ENPP1: variants seen among roughly 807,000 people sequenced by gnomAD.
ENPP1 encodes the protein ectonucleotide pyrophosphatase/phosphodiesterase 1, also known as ectonucleotide pyrophosphatase/phosphodiesterase family member 1.
In ENPP1, 73 loss-of-function variants were observed where a neutral mutation model predicts 122.8. The observed-to-expected ratio is 0.59, with a 90% CI of 0.49 to 0.72. The LOEUF (loss-of-function observed/expected upper bound fraction) is 0.72, where lower values mean the gene tolerates loss of function less well. ENPP1 is among the 30% of genes least tolerant of loss of function. The pLI, the probability that ENPP1 is intolerant of heterozygous loss-of-function variation, is 0.00. For synonymous variants in ENPP1, 367 were observed against 391.6 expected, an observed-to-expected ratio of 0.94 and a Z score of 0.74; for missense variants, 978 against 1,128.1, an observed-to-expected ratio of 0.87 and a Z score of 1.91.
chr6:131,860,486 G>C lies in ENPP1; in HGVS notation c.895G>C (p.Glu299Gln), dbSNP rs1178240876. 2.5e-6 allele frequency: 4 copies of C among 1,597,480 alleles called. No homozygotes were observed. In the Admixed American group the frequency reaches 6.7e-5, roughly 27 times the overall value. The change falls in exon 8 of 25, where the codon GAG (glutamate) becomes CAG (glutamine). Residue 299 changes from glutamate (E) to glutamine (Q), a missense_variant. By Grantham distance (29) the Glu-to-Gln change is conservative. This residue lies in a region of ENPP1 where 644 missense variants were observed against 781.5 expected (regional missense o/e 0.82). Transcript: ENST00000647893. Reference sequence around the variant, plus strand: ...TAAAAGTAAAGAGAAATTTAATCCTGAGTGGTACAAAGGAGAACCAGTGAG... The same window carrying C: ...TAAAAGTAAAGAGAAATTTAATCCTCAGTGGTACAAAGGAGAACCAGTGAG... ...SLKSKEKFNP[E>Q]WYKGEPIWVT...
intron 20 of ENPP1, among the ~76,000 whole-genome samples, chr6:131,880,772 C>T (rs995038517): frequency 3.9e-5 from 6 of 152,084 alleles, no homozygotes; most frequent in Admixed American, 1.3e-4. Flanking sequence ...TTGGCAAAGC[C>T]ATTAAAGCTC....
chr6:131,875,511 A>AT (rs1782219271), intron 16 of ENPP1, among the ~76,000 whole-genome samples: 1 of 151,874 alleles, frequency 6.6e-6, no homozygotes, highest in Admixed American at 6.6e-5. Flanking sequence ...CATGTCATAG[A>AT]TGAAAAAAAA....
chr6:131,858,991 G>A (rs974465246), intron 7 of ENPP1, among the ~76,000 whole-genome samples: 1 of 152,096 alleles, frequency 6.6e-6, no homozygotes, highest in Non-Finnish European at 1.5e-5. Flanking sequence ...CTCAAGAAAC[G>A]ATTTCCTGGT....
chr6:131,870,949 G>C (rs998454705), intron 13 of ENPP1, among the ~76,000 whole-genome samples: 1 of 152,098 alleles, frequency 6.6e-6, no homozygotes, highest in Non-Finnish European at 1.5e-5. Context: ...GGTGGCATGT[G>C]CCTGCAATCT....
chr6:131,849,498 ACTT>A (rs1389005169), intron 2 of ENPP1, among the ~76,000 whole-genome samples: 1 of 152,120 alleles, frequency 6.6e-6, no homozygotes, highest in African/African-American at 2.4e-5. Flanking sequence ...CAAACCCACT[ACTT>A]CTTTACACCA....
At chr6:131,864,483 T>A in intron 9 of ENPP1, 23 bp from the exon 10 acceptor site, 1 of 1,523,926 alleles carries the variant, frequency 6.6e-7, no homozygotes, top group African/African-American at 1.4e-5. Context: ...CCATCTTTTA[T>A]TTTTGTTTGT....
At chr6:131,808,667 G>T (rs1214858833) in intron 1 of ENPP1, among the ~76,000 whole-genome samples, 1 of 152,228 alleles carries the variant, frequency 6.6e-6, no homozygotes, top group Non-Finnish European at 1.5e-5. Flanking sequence ...GGCTCTGGGC[G>T]CAGTATACAT....
At chr6:131,881,868 A>C (rs2114726150) in intron 20 of ENPP1, among the ~76,000 whole-genome samples, 1 of 152,068 alleles carries the variant, frequency 6.6e-6, no homozygotes, top group East Asian at 1.9e-4. Context: ...AAAACACAAA[A>C]ATTAGCCAGG....
intron 1 of ENPP1, among the ~76,000 whole-genome samples, chr6:131,811,366 ATCTATATCTATATATCTATATC>A (rs1201778250): frequency 7.0e-5 from 10 of 143,156 alleles, no homozygotes; most frequent in African/African-American, 2.6e-4. Context: ...ATATATCTAT[ATCTATATCTATATATCTATATC>A]TATATCTATA....
rs769959642 is a variant in ENPP1 at position 131,873,043 on chromosome 6, C to A, written c.1558C>A (p.Leu520Ile). The A allele has an allele frequency of 5.6e-6, 9 of 1,613,594 alleles. No individual in the cohort carries two copies. Among genetic ancestry groups the A allele is most frequent in the Non-Finnish European group, 5.1e-6 (6 of 1,179,702 alleles). ...LTFYLDPQWQ[L>I]ALNPSERKYC... ...ATTCTATTTGGACCCTCAGTGGCAA[C>A]TTGCATTGTAAGTTCTGACAGTCTC... is the stretch of plus-strand genomic sequence containing the variant. The change falls in exon 15 of 25, where the codon CTT (leucine) becomes ATT (isoleucine). Residue 520 changes from leucine to isoleucine, a missense_variant. Leu to Ile is a conservative substitution (Grantham distance 5, BLOSUM62 2). This residue lies in a region of ENPP1 where 644 missense variants were observed against 781.5 expected (regional missense o/e 0.82). Transcript: ENST00000647893.
At chr6:131,886,086 A>G (rs1377075995) in intron 23 of ENPP1, among the ~76,000 whole-genome samples, 1 of 152,228 alleles carries the variant, frequency 6.6e-6, no homozygotes, top group Non-Finnish European at 1.5e-5. Flanking sequence ...AAATTAAGTT[A>G]TTAAGGAAGA....
Position 131,877,090 on chromosome 6 carries a change from GTGC to G in ENPP1, c.1823_1825del (p.Val608_His609delinsAsp), listed in dbSNP as rs1394980592. 1.9e-6 allele frequency: 3 copies of G among 1,613,938 alleles called. No individual in the cohort carries two copies. The highest frequency in any genetic ancestry group is 2.5e-6 in the Non-Finnish European group (3 of 1,180,006). Reference sequence around the variant, plus strand: ...TTATACGCCAAAGCATCCCAAAGAAGTGCACCCCCTGGTACAGTGCCCCTTCAC... The same window carrying G: ...TTATACGCCAAAGCATCCCAAAGAAGACCCCCTGGTACAGTGCCCCTTCAC... On this transcript the variant is annotated inframe_deletion, in exon 18 of 25. Transcript: ENST00000647893.
At chr6:131,834,528 CTTTT>C (rs34437450) in intron 1 of ENPP1, among the ~76,000 whole-genome samples, 2 of 133,060 alleles carry the variant, frequency 1.5e-5, no homozygotes. Flanking sequence ...AGGTAATAGT[CTTTT>C]TTTTTTTTTT....
At chr6:131,829,971 T>C (rs1781590474) in intron 1 of ENPP1, among the ~76,000 whole-genome samples, 1 of 152,148 alleles carries the variant, frequency 6.6e-6, no homozygotes, top group African/African-American at 2.4e-5. Flanking sequence ...GGAAGTGTAG[T>C]AGTCAAAGTT....
At chr6:131,857,670 G>A (rs1781965774) in intron 6 of ENPP1, among the ~76,000 whole-genome samples, 2 of 152,116 alleles carry the variant, frequency 1.3e-5, no homozygotes, top group South Asian at 2.1e-4. Flanking sequence ...TGAGGGGGGA[G>A]CGATAGCATT....
At chr6:131,884,570 AAG>A (rs1782352454) in intron 22 of ENPP1, among the ~76,000 whole-genome samples, 1 of 152,198 alleles carries the variant, frequency 6.6e-6, no homozygotes, top group African/African-American at 2.4e-5. Flanking sequence ...CCAGGAGTTC[AAG>A]ATCAGCCTGG....
At chr6:131,831,138 G>A (rs12208990) in intron 1 of ENPP1, among the ~76,000 whole-genome samples, 2,327 of 110,190 alleles carry the variant, frequency 0.021, 27 homozygotes, top group Middle Eastern at 0.035. Context: ...AAAAAAAAAA[G>A]AAAAGAAAAT....
At chr6:131,851,059 C>T in intron 3 of ENPP1, 83 bp from the exon 4 acceptor site, 1 of 1,486,920 alleles carries the variant, frequency 6.7e-7, no homozygotes. Context: ...ATGGATCATA[C>T]TCAGGAAGAC....
chr6:131,829,508 ATGTC>A (rs112197055), intron 1 of ENPP1, among the ~76,000 whole-genome samples: 38 of 152,278 alleles, frequency 2.5e-4, no homozygotes, highest in African/African-American at 9.1e-4. Flanking sequence ...GTGCCTTGGG[ATGTC>A]TGTCTGTCTA....
Sources: gnomAD v4.1 joint callset for allele counts (sites outside exome capture counted in the v4.1 genomes callset) on GRCh38, gnomAD v4.1.1 for gene constraint, gnomAD v4.1.1 regional missense constraint, MANE v1.5 for transcripts, NCBI Gene and HGNC (gene_info 2026-07-23, HGNC 2026-07-21) for gene names.